COMMD5: variants seen among roughly 807,000 people sequenced by gnomAD.
The protein encoded by COMMD5 is COMM domain-containing protein 5.
In COMMD5, 10 loss-of-function variants were observed where a neutral mutation model predicts 6.9. That is an observed-to-expected ratio of 1.44 (90% CI 0.89 to 2.45). COMMD5 has a LOEUF of 2.45. Among genes scored for constraint, COMMD5 ranks in the 30% most tolerant of loss-of-function variants. COMMD5 has a pLI of 0.00. For synonymous variants in COMMD5, 127 were observed against 125.3 expected (o/e 1.01, Z -0.09); for missense variants, 234 against 287.8 (o/e 0.81, Z 1.35).
chr8:144,842,749 A>T (rs767394022), intron 1 of COMMD5: 3 of 1,614,212 alleles, frequency 1.9e-6, no homozygotes, highest in Non-Finnish European at 2.5e-6. Flanking sequence ...AAGGGTTCAC[A>T]CTGGAGAGAG....
downstream of COMMD5, among the ~76,000 whole-genome samples, chr8:144,839,899 C>T (rs1829642049): frequency 6.6e-6 from 1 of 152,210 alleles, no homozygotes; most frequent in South Asian, 2.1e-4. Flanking sequence ...CCCAACAAAG[C>T]CTTGCTGTCA....
chr8:144,852,544 C>G (rs529322284), intron 1 of COMMD5: 1 of 152,416 alleles, frequency 6.6e-6, no homozygotes, highest in South Asian at 2.1e-4. Flanking sequence ...CAGGAGCTCC[C>G]CACGGGCTTC....
downstream of COMMD5, chr8:144,845,905 C>T: frequency 4.2e-6 from 6 of 1,437,414 alleles, no homozygotes; most frequent in South Asian, 3.9e-5. Context: ...AGGGTCTTGG[C>T]AGGTAATGTG....
In COMMD5 at chr8:144,850,957, T is replaced by G; in HGVS notation, c.382A>C (p.Ser128Arg). ...IPQDLVGDLA[S>R]VVFGSQRPLL... is the part of the protein sequence containing the mutation. The stretch of plus-strand genomic sequence containing the variant: ...GGCCGCTGGCTCCCAAATACCACGC[T>G]GGCCAAGTCCCCGACCAGGTCTTGG... Residue 128 changes from serine (S) to arginine (R), a missense_variant, in exon 2 of 2, where the codon AGC becomes CGC. Coordinates refer to ENST00000305103, the MANE Select transcript of COMMD5 (RefSeq NM_014066.4). The surrounding 1 kb of genome is among the most constrained non-coding windows in gnomAD (Gnocchi z 4.0). 1 of 1,609,944 alleles carries G rather than the reference T, an allele frequency of 6.2e-7. No homozygotes were observed. The highest frequency in any genetic ancestry group is 1.1e-5 in the South Asian group (1 of 90,614).
At chr8:144,844,310 G>C (rs576427950) in intron 1 of COMMD5, among the ~76,000 whole-genome samples, 3 of 152,194 alleles carry the variant, frequency 2.0e-5, no homozygotes, top group Non-Finnish European at 4.4e-5. Flanking sequence ...GCACACCCGT[G>C]TGCGCACAGG....
Position 144,851,206 on chromosome 8 carries a change from T to A in COMMD5, c.133A>T (p.Arg45Trp). 1 of 1,613,954 alleles carries A rather than the reference T, an allele frequency of 6.2e-7. No homozygotes were observed. Among genetic ancestry groups the A allele is most frequent in the Non-Finnish European group, 8.5e-7 (1 of 1,180,032 alleles). Residue 45 changes from arginine to tryptophan, a missense_variant, in exon 2 of 2, where the codon AGG (arginine) becomes TGG (tryptophan). Physicochemically the swap from Arg to Trp is moderately radical, Grantham distance 101. Transcript: ENST00000305103. ...AMARLLGDLDRSTFRKLLKFV... is the reference protein window; with the variant it reads ...AMARLLGDLDWSTFRKLLKFV... ...TTCAGCAACTTTCTGAACGTGCTCC[T>A]GTCTAGGTCCCCTAGTAGCCGGGCC...
exon 2 of COMMD5, chr8:144,841,456 C>A: frequency 1.2e-6 from 2 of 1,614,232 alleles, no homozygotes; most frequent in Non-Finnish European, 1.7e-6. Context: ...ACAGGACTTT[C>A]CTCAGAATCC....
intron 1 of COMMD5, among the ~76,000 whole-genome samples, chr8:144,852,134 GAGGA>G (rs1298932333): frequency 2.2e-5 from 3 of 135,884 alleles, no homozygotes; most frequent in African/African-American, 5.4e-5. Flanking sequence ...GAGATGCTGT[GAGGA>G]AGGAAGGAAG....
At chr8:144,839,540 C>G (rs1563836528), downstream of COMMD5, among the ~76,000 whole-genome samples, 1 of 152,218 alleles carries the variant, frequency 6.6e-6, no homozygotes, top group South Asian at 2.1e-4. Context: ...AGAAATAGTT[C>G]AGTGGGTTTA....
At chr8:144,839,688 A>C (rs1829602949), downstream of COMMD5, among the ~76,000 whole-genome samples, 1 of 152,258 alleles carries the variant, frequency 6.6e-6, no homozygotes, top group Non-Finnish European at 1.5e-5. Context: ...CCTCTTAGAT[A>C]AAACATGCAG....
At chr8:144,839,165 A>G (rs900005567), downstream of COMMD5, among the ~76,000 whole-genome samples, 157 of 135,584 alleles carry the variant, frequency 1.2e-3, no homozygotes, top group African/African-American at 4.2e-3. Flanking sequence ...ACTTCCATTC[A>G]TATGCGCCTA....
At chr8:144,841,388 G>C (rs200168371) in exon 2 of COMMD5, 109 of 1,611,590 alleles carry the variant, frequency 6.8e-5, no homozygotes, top group Admixed American at 5.0e-5. Context: ...GAGCAGGCCT[G>C]TGAGGACATG....
At chr8:144,842,275 C>G (rs1830034598) in intron 1 of COMMD5, 1 of 1,614,006 alleles carries the variant, frequency 6.2e-7, no homozygotes. Flanking sequence ...GGAGAAAGCT[C>G]AAATTCTAAA....
downstream of COMMD5, among the ~76,000 whole-genome samples, chr8:144,839,920 GCT>G (rs1829644625): frequency 6.6e-6 from 1 of 152,170 alleles, no homozygotes; most frequent in South Asian, 2.1e-4. Context: ...GCTTGGCCCT[GCT>G]CTCTCTGCCG....
In COMMD5 at chr8:144,850,570, G is replaced by T; in HGVS notation, c.*94C>A. ...CACTGAAGAGCCTGCCTCATGGGAA[G>T]GGCAGGGCTGTCGTGGGAAGAGTCA... is the stretch of plus-strand genomic sequence containing the variant. On this transcript the variant is annotated 3_prime_UTR_variant, in exon 2 of 2. Coordinates refer to ENST00000305103, the MANE Select transcript of COMMD5 (RefSeq NM_014066.4). The surrounding 1 kb of genome is among the most constrained non-coding windows in gnomAD (Gnocchi z 4.0). 1 of 1,330,620 alleles carries T rather than the reference G, an allele frequency of 7.5e-7. No individual in the cohort carries two copies. The allele number at this position is 1,330,620 out of a possible 1,614,324, so 82.4% of individuals were successfully genotyped here. A position where few individuals can be genotyped will look rare whatever the true frequency, so the allele number is the denominator to read the frequency against.
At chr8:144,844,314 G>A (rs781598526) in intron 1 of COMMD5, among the ~76,000 whole-genome samples, 15 of 152,184 alleles carry the variant, frequency 9.9e-5, no homozygotes, top group Admixed American at 5.2e-4. Flanking sequence ...ACCCGTGTGC[G>A]CACAGGCCCT....
downstream of COMMD5, among the ~76,000 whole-genome samples, chr8:144,849,616 C>T (rs2978390): frequency 5.4e-3 from 824 of 152,160 alleles, 13 homozygotes; most frequent in African/African-American, 0.019. Flanking sequence ...GCCAGCTGAC[C>T]GAAAATGGCT....
downstream of COMMD5, among the ~76,000 whole-genome samples, chr8:144,848,231 A>T (rs1830599088): frequency 6.6e-6 from 1 of 151,950 alleles, no homozygotes; most frequent in African/African-American, 2.4e-5. Context: ...CTGTGAGCCC[A>T]GGAGGTTGAG....
rs867654908 is a variant in COMMD5, at chr8:144,843,291, A to G, written c.*117-1548T>C. The G allele has an allele frequency of 8.1e-6, 10 of 1,242,054 alleles. No individual in the cohort carries two copies. In the Middle Eastern group the frequency reaches 1.2e-3, roughly 152 times the overall value. 76.9% of individuals were successfully genotyped at this position (1,242,054 alleles called of 1,614,324 possible). A position where few individuals can be genotyped will look rare whatever the true frequency, so the allele number is the denominator to read the frequency against. On this transcript the variant is annotated intron_variant and NMD_transcript_variant, in intron 1 of 1. Transcript: ENST00000530332. ...TTGGTAAAGGTTCAGAATTGCTCTC[A>G]AGAATATCCAACTTCAGGCCGAGTG...
Sources: gnomAD v4.1 joint callset for allele counts (sites outside exome capture counted in the v4.1 genomes callset) on GRCh38, gnomAD v4.1.1 for gene constraint, Gnocchi (gnomAD v3.1) non-coding constraint, MANE v1.5 for transcripts, NCBI Gene and HGNC (gene_info 2026-07-23, HGNC 2026-07-21) for gene names.